RYR1: variants seen among roughly 807,000 people sequenced by gnomAD.
The protein encoded by RYR1 is central core disease of muscle.
RYR1 carries 342 observed loss-of-function variants against 583.5 expected under a neutral mutation model. That is an observed-to-expected ratio of 0.59 (90% CI 0.54 to 0.64). The LOEUF (loss-of-function observed/expected upper bound fraction) is 0.64, where lower values mean the gene tolerates loss of function less well. Ranked by LOEUF, RYR1 falls within the 30% of genes least tolerant of loss-of-function variation. The pLI, the probability that RYR1 is intolerant of heterozygous loss-of-function variation, is 0.00. For synonymous variants in RYR1, 2,791 were observed against 2,822.5 expected, an observed-to-expected ratio of 0.99 and a Z score of 0.35; for missense variants, 6,032 against 6,917.2, an observed-to-expected ratio of 0.87 and a Z score of 4.54.
At chr19:38,546,097 A>C (rs1972411045) in intron 87 of RYR1, among the ~76,000 whole-genome samples, 1 of 152,066 alleles carries the variant, frequency 6.6e-6, no homozygotes, top group Non-Finnish European at 1.5e-5. Flanking sequence ...CTGGGCTCAC[A>C]TCCCTTCCTA....
intron 28 of RYR1, among the ~76,000 whole-genome samples, chr19:38,474,564 CTTTTTTTT>C (rs970000046): frequency 3.4e-5 from 3 of 88,226 alleles, no homozygotes; most frequent in South Asian, 4.5e-4. Context: ...CGCCCGGCTC[CTTTTTTTT>C]TTTTTTTTTT....
intron 58 of RYR1, among the ~76,000 whole-genome samples, chr19:38,509,732 C>G (rs1163679897): frequency 6.6e-6 from 1 of 151,454 alleles, no homozygotes; most frequent in Non-Finnish European, 1.5e-5. Context: ...GCTGGGATTA[C>G]AGGCGTGAGC....
chr19:38,474,217 AG>A (rs1230333257), intron 28 of RYR1, among the ~76,000 whole-genome samples: 1 of 152,130 alleles, frequency 6.6e-6, no homozygotes, highest in Non-Finnish European at 1.5e-5. Context: ...GATTCTGAGA[AG>A]GTACTAAATC....
In RYR1 at chr19:38,566,946, A is replaced by AGAGCCC. The variant is rs765913714; in HGVS notation, c.13479_13484dup (p.Pro4497_Glu4498dup). The AGAGCCC allele has an allele frequency of 8.1e-6, 13 of 1,606,748 alleles. No individual in the cohort carries two copies. In the Admixed American group the frequency reaches 1.2e-4, roughly 15 times the overall value. The stretch of plus-strand genomic sequence containing the variant: ...TGGAGGAGGAGCTCCCGCCAGAGCC[A>AGAGCCC]GAGCCCGAGCCGGAACCAGAGCTGG... On this transcript the variant is annotated inframe_insertion, in exon 92 of 106. Transcript: ENST00000359596.
In RYR1 at chr19:38,502,895, G is replaced by C; in HGVS notation, c.7851G>C (p.Ser2617=). 4 of 1,611,464 alleles carry C rather than the reference G, an allele frequency of 2.5e-6. No homozygotes were observed. The African/African-American group carries it at 4.0e-5, about 16-fold the overall frequency. ...LMSLCRYIRP[S]MLQHLLRRLV... ...TGTCCCGCAGGTACATCCGCCCGTC[G>C]ATGCTGCAGCACCTGTTGCGCCGCC... Residue 2617 remains serine (S), a synonymous_variant, in exon 49 of 106, where the codon TCG becomes TCC. Coordinates refer to ENST00000359596, the MANE Select transcript of RYR1 (RefSeq NM_000540.3).
chr19:38,561,004 G>T lies in RYR1; in HGVS notation c.12283-109G>T. ...TGGGTTGAGCTGTGATTGCGCCACT[G>T]CACTCCAGCCTGGGCGACACAGCGA... On this transcript the variant is annotated intron_variant, in intron 89 of 105. Coordinates refer to ENST00000359596, the MANE Select transcript of RYR1 (RefSeq NM_000540.3). The surrounding 1 kb of genome is among the most constrained non-coding windows in gnomAD (Gnocchi z 4.8). 2 of 1,001,122 alleles carry T rather than the reference G, an allele frequency of 2.0e-6. No individual in the cohort carries two copies. Among genetic ancestry groups the T allele is most frequent in the Non-Finnish European group, 3.0e-6 (2 of 670,446 alleles). 62.0% of individuals were successfully genotyped at this position (1,001,122 alleles called of 1,614,324 possible).
intron 2 of RYR1, among the ~76,000 whole-genome samples, chr19:38,441,794 T>A (rs1291846166): frequency 6.6e-6 from 1 of 151,622 alleles, no homozygotes; most frequent in Non-Finnish European, 1.5e-5. Context: ...GTCTTGAGTT[T>A]AGGAGTTGGA....
chr19:38,580,136 G>A lies in RYR1; in HGVS notation c.14511+8G>A, dbSNP rs748627354. 4.2e-5 allele frequency: 67 copies of A among 1,614,168 alleles called. No individual in the cohort carries two copies. Among genetic ancestry groups the A allele is most frequent in the Non-Finnish European group, 5.3e-5 (63 of 1,180,036 alleles). On this transcript the variant is annotated splice_region_variant and intron_variant, in intron 100 of 105. Coordinates refer to ENST00000359596, the MANE Select transcript of RYR1 (RefSeq NM_000540.3). Reference sequence around the variant, plus strand: ...ACCCACAATGGGAAACAGGTGTGGGGAGGACCTGGCTGTGGGGCGTGGGCC... The same window carrying A: ...ACCCACAATGGGAAACAGGTGTGGGAAGGACCTGGCTGTGGGGCGTGGGCC...
chr19:38,471,899 C>CAA (rs35479919), intron 27 of RYR1, among the ~76,000 whole-genome samples: 3,049 of 59,602 alleles, frequency 0.051, 168 homozygotes, highest in African/African-American at 0.13. Context: ...GACTCTGTCT[C>CAA]AAAAAAAAAA....
chr19:38,495,937 A>G (rs1259639960), intron 39 of RYR1, among the ~76,000 whole-genome samples: 1 of 151,444 alleles, frequency 6.6e-6, no homozygotes, highest in Non-Finnish European at 1.5e-5. Context: ...TAATTTTTGT[A>G]TTTTTAGTAG....
chr19:38,460,835 G>T (rs945179750), intron 20 of RYR1, among the ~76,000 whole-genome samples: 1 of 152,118 alleles, frequency 6.6e-6, no homozygotes, highest in African/African-American at 2.4e-5. Flanking sequence ...AATACAAAAA[G>T]TTAGCTGGGT....
At position 38,561,986 on chromosome 19, in the gene RYR1, C is replaced by CCAGATGCCTTCTGAAGTCCTAGCAT. The variant is rs1568577413; in HGVS notation, c.12624+533_12624+557dup. Reference sequence around the variant, plus strand: ...CCTTCACCAGTCATCACGTTTGCCCCCAGATGCCTTCTGAAGTCCTAGCAT... The same window carrying CCAGATGCCTTCTGAAGTCCTAGCAT: ...CCTTCACCAGTCATCACGTTTGCCCCCAGATGCCTTCTGAAGTCCTAGCATCAGATGCCTTCTGAAGTCCTAGCAT... On this transcript the variant is annotated intron_variant, in intron 90 of 105. Transcript: ENST00000359596. This position sits in a 1 kb window ranked among gnomAD's most constrained non-coding sequence, Gnocchi z 4.8. Among the ~76,000 whole-genome samples the CCAGATGCCTTCTGAAGTCCTAGCAT allele has an allele frequency of 2.0e-5, 3 of 152,076 alleles. No individual in the cohort carries two copies. Among genetic ancestry groups the CCAGATGCCTTCTGAAGTCCTAGCAT allele is most frequent in the Non-Finnish European group, 4.4e-5 (3 of 68,000 alleles).
At position 38,502,527 on chromosome 19, in the gene RYR1, G is replaced by A. The variant is rs193922820; in HGVS notation, c.7635G>A (p.Glu2545=). The change falls in exon 48 of 106, where the codon GAG becomes GAA. Residue 2545 remains glutamate (E), a synonymous_variant. Coordinates refer to ENST00000359596, the MANE Select transcript of RYR1 (RefSeq NM_000540.3). ...CCTAGGCCACTTTCAGCACCACCGA[G>A]ATGGCGCTGGCGCTGAACCGCTACC... The part of the protein sequence containing the change: ...SLDTATFSTT[E]MALALNRYLC... 5 of 1,608,922 alleles carry A rather than the reference G, an allele frequency of 3.1e-6. No homozygotes were observed. The highest frequency in any genetic ancestry group is 4.2e-6 in the Non-Finnish European group (5 of 1,179,752).
At chr19:38,507,556 G>A (rs1320405733) in intron 57 of RYR1, among the ~76,000 whole-genome samples, 156 bp from the exon 58 acceptor site, 1 of 151,932 alleles carries the variant, frequency 6.6e-6, no homozygotes, top group Non-Finnish European at 1.5e-5. Flanking sequence ...AAGGCTAAGT[G>A]GGGTGGGGCA....
intron 82 of RYR1, 26 bp from the exon 83 acceptor site, chr19:38,536,724 T>C (rs766855576): frequency 9.5e-5 from 154 of 1,613,716 alleles, no homozygotes; most frequent in Non-Finnish European, 1.2e-4. Flanking sequence ...TCCTGCTTCC[T>C]CCTCCCATCC....
intron 90 of RYR1, among the ~76,000 whole-genome samples, chr19:38,563,465 A>C (rs1973246120): frequency 6.6e-6 from 1 of 152,128 alleles, no homozygotes; most frequent in Non-Finnish European, 1.5e-5. Context: ...GGGTTTTGCC[A>C]TGTTGGCAAG....
At chr19:38,523,459 C>G in intron 69 of RYR1, 150 bp downstream of exon 69, 1 of 782,452 alleles carries the variant, frequency 1.3e-6, no homozygotes, top group Middle Eastern at 3.5e-4. Context: ...CTCTCCCTCT[C>G]CCTTCCTCCC....
chr19:38,517,128 T>C (rs1256579500), intron 65 of RYR1, among the ~76,000 whole-genome samples: 1 of 151,762 alleles, frequency 6.6e-6, no homozygotes, highest in African/African-American at 2.4e-5. Context: ...GGGTGAGATT[T>C]TAGGGAGCAG....
rs1046597019 is a variant in RYR1 at position 38,567,046 on chromosome 19, G to A, written c.13514+59G>A. 7.1e-6 allele frequency: 11 copies of A among 1,548,598 alleles called. No homozygotes were observed. The Admixed American group carries it at 2.0e-4, about 28-fold the overall frequency. ...TATCACTGCCTCCCTCCTAGAGTAG[G>A]AGCCTCCAGAGGTCAGGCCCCAAGG... is the stretch of plus-strand genomic sequence containing the variant. On this transcript the variant is annotated intron_variant, in intron 92 of 105. Transcript: ENST00000359596.
Sources: allele counts gnomAD v4.1 joint callset (sites outside exome capture counted in the v4.1 genomes callset), GRCh38; gene constraint gnomAD v4.1.1; non-coding constraint Gnocchi (gnomAD v3.1); transcripts MANE v1.5; gene names NCBI Gene and HGNC (gene_info 2026-07-23, HGNC 2026-07-21).